FAM227B: variants seen among roughly 807,000 people sequenced by gnomAD.
FAM227B encodes the protein family with sequence similarity 227 member B.
A neutral mutation model predicts 73.8 loss-of-function variants in FAM227B; 88 were observed. The ratio of observed to expected loss-of-function variants is 1.19; its 90% CI spans 1.00 to 1.42. FAM227B has a LOEUF of 1.42. FAM227B is among the 40% of genes most tolerant of loss of function. FAM227B has a pLI of 0.00. For missense variants in FAM227B, 632 were observed against 590.9 expected (o/e 1.07, Z -0.72); for synonymous variants, 210 against 190.5 (o/e 1.10, Z -0.84).
intron 11 of FAM227B, among the ~76,000 whole-genome samples, chr15:49,496,931 TCACA>T (rs147133019): frequency 5.6e-5 from 8 of 142,060 alleles, no homozygotes; most frequent in Middle Eastern, 7.4e-3. Context: ...ATACACAAAG[TCACA>T]CACACACACA....
In FAM227B at chr15:49,526,457, A is replaced by G. The variant is rs543998485; in HGVS notation, c.874+15223T>C. Among the ~76,000 whole-genome samples, 11 of 152,236 alleles carry G rather than the reference A, an allele frequency of 7.2e-5. No individual in the cohort carries two copies. In the South Asian group the frequency reaches 1.4e-3, roughly 20 times the overall value. ...CAACATCAAAAATATCGAGATCTCA[A>G]ATTAACAACCTAACATTTACCCCAA... On this transcript the variant is annotated intron_variant, in intron 10 of 15. Transcript: ENST00000299338.
chr15:49,407,901 T>C (rs1045666158), intron 11 of FAM227B, among the ~76,000 whole-genome samples: 1 of 152,006 alleles, frequency 6.6e-6, no homozygotes, highest in Non-Finnish European at 1.5e-5. Context: ...ACCTATAGTT[T>C]TTGCCTTTCT....
chr15:49,405,312 AG>A (rs1283563808), intron 11 of FAM227B, among the ~76,000 whole-genome samples: 28 of 152,158 alleles, frequency 1.8e-4, no homozygotes, highest in Non-Finnish European at 3.5e-4. Context: ...AGCTAAGTAG[AG>A]GAAGTTCTTA....
chr15:49,429,129 C>T (rs1250077794), intron 11 of FAM227B, among the ~76,000 whole-genome samples: 1 of 151,872 alleles, frequency 6.6e-6, no homozygotes, highest in Non-Finnish European at 1.5e-5. Flanking sequence ...TTCACATTAT[C>T]AGAATCAAAA....
At chr15:49,576,619 T>C (rs897448744) in intron 7 of FAM227B, 122 bp downstream of exon 7, 7 of 637,128 alleles carry the variant, frequency 1.1e-5, no homozygotes, top group Middle Eastern at 4.2e-4. Context: ...TCCTGCCAAA[T>C]TTAATGCCCA....
chr15:49,432,615 G>A (rs1004333784), intron 11 of FAM227B, among the ~76,000 whole-genome samples: 1 of 151,460 alleles, frequency 6.6e-6, no homozygotes, highest in Non-Finnish European at 1.5e-5. Context: ...AGAACTAAAC[G>A]AAGTTGCCAC....
intron 1 of FAM227B, chr15:49,620,243 T>A (rs566033628): frequency 1.3e-5 from 2 of 152,226 alleles, no homozygotes; most frequent in Non-Finnish European, 2.9e-5. Flanking sequence ...TATTGCATTT[T>A]CTGTACTTGA....
At chr15:49,571,198 C>G (rs1363785211) in intron 8 of FAM227B, among the ~76,000 whole-genome samples, 1 of 151,508 alleles carries the variant, frequency 6.6e-6, no homozygotes, top group Non-Finnish European at 1.5e-5. Flanking sequence ...CTTTTAAAAT[C>G]AGGTTGTTTT....
intron 11 of FAM227B, chr15:49,396,402 C>T (rs774881403): frequency 0.017 from 3,604 of 211,762 alleles, 28 homozygotes; most frequent in Middle Eastern, 0.065. Context: ...AACTGCAAGG[C>T]GGCAGCGAGG....
chr15:49,587,664 GGC>G (rs2076250733), intron 5 of FAM227B, among the ~76,000 whole-genome samples: 1 of 151,782 alleles, frequency 6.6e-6, no homozygotes, highest in Non-Finnish European at 1.5e-5. Flanking sequence ...TTTTAAAATT[GGC>G]AAAGTAAAGG....
At chr15:49,529,512 T>A (rs879418033) in intron 10 of FAM227B, among the ~76,000 whole-genome samples, 1 of 151,130 alleles carries the variant, frequency 6.6e-6, no homozygotes, top group Admixed American at 6.6e-5. Flanking sequence ...CAAAAGAAAA[T>A]GTAGGTTTGA....
At chr15:49,462,086 TC>T (rs2053849517) in intron 11 of FAM227B, among the ~76,000 whole-genome samples, 1 of 152,080 alleles carries the variant, frequency 6.6e-6, no homozygotes, top group South Asian at 2.1e-4. Context: ...GCCACTGTAC[TC>T]CAGCCTGGGT....
chr15:49,609,706 C>T (rs1247927728), intron 3 of FAM227B, among the ~76,000 whole-genome samples: 1 of 151,810 alleles, frequency 6.6e-6, no homozygotes, highest in East Asian at 1.9e-4. Flanking sequence ...GTATAGCAAA[C>T]AAAAAATTAA....
At chr15:49,516,564 C>CT (rs768403244) in intron 10 of FAM227B, among the ~76,000 whole-genome samples, 12 of 151,950 alleles carry the variant, frequency 7.9e-5, no homozygotes, top group Non-Finnish European at 1.6e-4. Context: ...TTTTAGCTAT[C>CT]TAAATCCTAG....
intron 15 of FAM227B, 86 bp downstream of exon 15, chr15:49,331,694 C>G (rs2038785874): frequency 2.4e-6 from 2 of 824,524 alleles, no homozygotes; most frequent in Non-Finnish European, 4.2e-6. Flanking sequence ...GGGTGTGCCA[C>G]CATACATTGC....
intron 11 of FAM227B, among the ~76,000 whole-genome samples, chr15:49,397,002 AT>A (rs2047722650): frequency 6.6e-6 from 1 of 152,250 alleles, no homozygotes; most frequent in Admixed American, 6.5e-5. Context: ...ATGGAGAATG[AT>A]TTTGACGAGC....
intron 10 of FAM227B, among the ~76,000 whole-genome samples, chr15:49,514,869 A>G (rs2059274592): frequency 6.6e-6 from 1 of 152,132 alleles, no homozygotes; most frequent in African/African-American, 2.4e-5. Context: ...GCTTTCTTCC[A>G]AAAGTTTTAT....
intron 13 of FAM227B, among the ~76,000 whole-genome samples, chr15:49,361,251 T>TA (rs1567151364): frequency 6.6e-6 from 1 of 152,188 alleles, no homozygotes; most frequent in Non-Finnish European, 1.5e-5. Context: ...AATTTTTTTT[T>TA]AACTTTTATT....
chr15:49,475,936 T>G (rs1460784908), intron 11 of FAM227B, among the ~76,000 whole-genome samples: 1 of 152,122 alleles, frequency 6.6e-6, no homozygotes, highest in Non-Finnish European at 1.5e-5. Context: ...CCCTTGACAA[T>G]TTGGCCCTAA....
Sources: allele counts gnomAD v4.1 joint callset (sites outside exome capture counted in the v4.1 genomes callset), GRCh38; gene constraint gnomAD v4.1.1; transcripts MANE v1.5; gene names NCBI Gene and HGNC (gene_info 2026-07-23, HGNC 2026-07-21).